CHSY3: variants seen among roughly 807,000 people sequenced by gnomAD.
CHSY3 encodes chondroitin sulfate synthase 3.
In CHSY3, 35 loss-of-function variants were observed where a neutral mutation model predicts 67.2. That is an observed-to-expected ratio of 0.52 (90% CI 0.40 to 0.69). The LOEUF is 0.69. CHSY3 is among the 30% of genes least tolerant of loss of function. CHSY3 has a pLI of 0.00. For synonymous variants in CHSY3, 474 were observed against 434.7 expected, an observed-to-expected ratio of 1.09 and a Z score of -1.12; for missense variants, 1,069 against 1,138.5, an observed-to-expected ratio of 0.94 and a Z score of 0.88.
chr5:130,152,664 A>G (rs1286942665), intron 2 of CHSY3, among the ~76,000 whole-genome samples: 1 of 152,222 alleles, frequency 6.6e-6, no homozygotes, highest in Non-Finnish European at 1.5e-5. Context: ...AATAGACACA[A>G]GTTTCCTTTG....
intron 2 of CHSY3, among the ~76,000 whole-genome samples, chr5:129,925,252 A>G (rs985036208): frequency 4.6e-5 from 7 of 152,088 alleles, no homozygotes; most frequent in African/African-American, 1.4e-4. Flanking sequence ...TGTGTGTAGA[A>G]TTGGTTATGG....
intron 2 of CHSY3, among the ~76,000 whole-genome samples, chr5:130,146,372 T>G (rs1769074093): frequency 6.6e-6 from 1 of 152,130 alleles, no homozygotes; most frequent in South Asian, 2.1e-4. Context: ...TACTGCATGA[T>G]CTCACTCATA....
intron 2 of CHSY3, chr5:130,141,241 G>T (rs1169271312): frequency 2.0e-6 from 1 of 489,458 alleles, no homozygotes; most frequent in Non-Finnish European, 4.0e-6. Context: ...GAAACTGCTG[G>T]TAGAGTCATG....
intron 2 of CHSY3, among the ~76,000 whole-genome samples, chr5:129,999,386 A>G (rs1001966653): frequency 6.6e-6 from 1 of 152,038 alleles, no homozygotes; most frequent in Admixed American, 6.6e-5. Flanking sequence ...TAAAATATCT[A>G]AAAACTTTCC....
chr5:130,008,982 T>C (rs944628950), intron 2 of CHSY3, among the ~76,000 whole-genome samples: 1 of 152,156 alleles, frequency 6.6e-6, no homozygotes, highest in Non-Finnish European at 1.5e-5. Context: ...AGACAAAACC[T>C]ATGACTCATT....
chr5:130,032,043 G>A (rs966116654), intron 2 of CHSY3, among the ~76,000 whole-genome samples: 2 of 152,086 alleles, frequency 1.3e-5, no homozygotes, highest in South Asian at 4.1e-4. Flanking sequence ...GTAAATCAAA[G>A]TAAAATCACA....
rs539508405 is a variant in CHSY3 at position 129,966,894 on chromosome 5, G to A, written c.1086+58534G>A. ...TGATGATCAAGTTGTCCCTCCTACA[G>A]TACAGATACTGTAAGTAACTTTATA... On this transcript the variant is annotated intron_variant, in intron 2 of 2. Coordinates refer to ENST00000305031, the MANE Select transcript of CHSY3 (RefSeq NM_175856.5). Among the ~76,000 whole-genome samples the A allele has an allele frequency of 1.3e-4, 20 of 151,878 alleles. No individual in the cohort carries two copies. The East Asian group carries it at 3.7e-3, about 28-fold the overall frequency.
At chr5:130,164,460 T>C (rs537500890) in intron 2 of CHSY3, among the ~76,000 whole-genome samples, 1 of 152,284 alleles carries the variant, frequency 6.6e-6, no homozygotes, top group South Asian at 2.1e-4. Context: ...GAGGAAACTA[T>C]ATTTGTTTCT....
rs764546617 is a variant in CHSY3, at chr5:130,120,761, C to CA, written c.1087-63462dup. Among the ~76,000 whole-genome samples the CA allele has an allele frequency of 3.3e-5, 5 of 151,884 alleles. No individual in the cohort carries two copies. The South Asian group carries it at 1.0e-3, about 32-fold the overall frequency. ...TAAAAGAGCTTGGAACAATGAAAAA[C>CA]AAAAAAGAGAGAGAGAGAAGGAGTG... On this transcript the variant is annotated intron_variant, in intron 2 of 2. Coordinates refer to ENST00000305031, the MANE Select transcript of CHSY3 (RefSeq NM_175856.5).
intron 2 of CHSY3, among the ~76,000 whole-genome samples, chr5:130,143,208 G>T (rs1007958263): frequency 1.3e-5 from 2 of 152,040 alleles, no homozygotes; most frequent in Non-Finnish European, 2.9e-5. Context: ...TGTTTCCTTT[G>T]ATCATTGTCA....
At chr5:130,016,240 A>G (rs752461409) in intron 2 of CHSY3, among the ~76,000 whole-genome samples, 33 of 152,308 alleles carry the variant, frequency 2.2e-4, no homozygotes, top group Non-Finnish European at 4.0e-4. Flanking sequence ...AACAAAAGAA[A>G]AAATAATTTT....
At chr5:130,096,760 T>C (rs2149696038) in intron 2 of CHSY3, among the ~76,000 whole-genome samples, 1 of 152,302 alleles carries the variant, frequency 6.6e-6, no homozygotes, top group Middle Eastern at 3.4e-3. Context: ...GTTGTACCAA[T>C]TTTTATTTGC....
intron 2 of CHSY3, among the ~76,000 whole-genome samples, chr5:130,097,027 T>G (rs1240520052): frequency 6.6e-6 from 1 of 152,258 alleles, no homozygotes; most frequent in East Asian, 1.9e-4. Flanking sequence ...AATTTGTTTT[T>G]TGCTCCCCTT....
At chr5:130,031,740 A>G (rs892279458) in intron 2 of CHSY3, among the ~76,000 whole-genome samples, 2 of 152,188 alleles carry the variant, frequency 1.3e-5, no homozygotes, top group African/African-American at 4.8e-5. Context: ...TTTAAGATGC[A>G]AAGGCACAAA....
chr5:130,102,317 G>A (rs1207550830), intron 2 of CHSY3, among the ~76,000 whole-genome samples: 1 of 151,992 alleles, frequency 6.6e-6, no homozygotes, highest in Non-Finnish European at 1.5e-5. Flanking sequence ...TATCTTCAGG[G>A]TAGAGATGAT....
At position 130,184,741 on chromosome 5, in the gene CHSY3, C is replaced by T. The variant is rs1054782035; in HGVS notation, c.1599C>T (p.His533=). 9 of 1,593,236 alleles carry T rather than the reference C, an allele frequency of 5.6e-6. No individual in the cohort carries two copies. In the East Asian group the frequency reaches 1.1e-4, roughly 20 times the overall value. ...GCTACCGCAGAGTTAACCCCATGCA[C>T]GGGGTGGAGTACATTTTGGATTTAC... ...QYGYRRVNPM[H]GVEYILDLLL... is the part of the protein sequence containing the mutation. Residue 533 remains histidine (H), a synonymous_variant, in exon 3 of 3, where the codon CAC becomes CAT. Coordinates refer to ENST00000305031, the MANE Select transcript of CHSY3 (RefSeq NM_175856.5).
intron 2 of CHSY3, among the ~76,000 whole-genome samples, chr5:130,161,720 ACTT>A (rs1769549327): frequency 6.6e-6 from 1 of 152,064 alleles, no homozygotes. Flanking sequence ...TTAATGTTTG[ACTT>A]CTTCACTTCA....
intron 2 of CHSY3, among the ~76,000 whole-genome samples, chr5:129,941,724 G>A (rs957930149): frequency 1.3e-5 from 2 of 152,152 alleles, no homozygotes; most frequent in Non-Finnish European, 2.9e-5. Flanking sequence ...CCAGCTGGGT[G>A]TCCTCTAATT....
At chr5:129,909,727 A>G (rs1216726595) in intron 2 of CHSY3, among the ~76,000 whole-genome samples, 1 of 152,098 alleles carries the variant, frequency 6.6e-6, no homozygotes, top group Non-Finnish European at 1.5e-5. Flanking sequence ...GTTATAAAAC[A>G]AAGTAAAAGA....
Sources: allele counts gnomAD v4.1 joint callset (sites outside exome capture counted in the v4.1 genomes callset), GRCh38; gene constraint gnomAD v4.1.1; transcripts MANE v1.5; gene names NCBI Gene and HGNC (gene_info 2026-07-23, HGNC 2026-07-21).